Variants in GABRA4 observed in about 807,000 individuals in gnomAD.
GABRA4 encodes gamma-aminobutyric acid receptor subunit alpha-4.
GABRA4 carries 12 observed loss-of-function variants against 49.7 expected under a neutral mutation model. The observed-to-expected ratio is 0.24, with a 90% CI of 0.15 to 0.39. GABRA4 has a LOEUF of 0.39. GABRA4 is among the 10% of genes least tolerant of loss of function. The probability of loss-of-function intolerance (pLI) is 1.00; values close to 1 mark genes in which losing one functional copy is unlikely to be tolerated. For synonymous variants in GABRA4, 288 were observed against 240.2 expected (o/e 1.20, Z -1.84); for missense variants, 506 against 686.0 (o/e 0.74, Z 2.93).
intron 8 of GABRA4, among the ~76,000 whole-genome samples, chr4:46,942,184 A>G (rs1435901720): frequency 6.6e-6 from 1 of 152,106 alleles, no homozygotes; most frequent in African/African-American, 2.4e-5. Flanking sequence ...GTATAGAAAA[A>G]CAGTACAAAA....
Position 46,925,657 on chromosome 4 carries a change from C to A in GABRA4, c.*2568G>T, listed in dbSNP as rs928951443. On this transcript the variant is annotated 3_prime_UTR_variant, in exon 9 of 9. Transcript: ENST00000264318. ...GTTATTGGGAAGATAGAAATAATGA[C>A]CAAAATAAAAATCACTGAATGAATT... is the stretch of plus-strand genomic sequence containing the variant. 31 of 149,560 alleles carry A rather than the reference C, an allele frequency of 2.1e-4. No homozygotes were observed. The highest frequency in any genetic ancestry group is 6.1e-4 in the African/African-American group (25 of 40,834). 9.3% of individuals were successfully genotyped at this position (149,560 alleles called of 1,614,324 possible). A position where few individuals can be genotyped will look rare whatever the true frequency, so the allele number is the denominator to read the frequency against.
At chr4:46,973,885 A>G (rs1165007392) in intron 6 of GABRA4, among the ~76,000 whole-genome samples, 1 of 151,836 alleles carries the variant, frequency 6.6e-6, no homozygotes, top group African/African-American at 2.4e-5. Flanking sequence ...AGCCCCACAA[A>G]AATCATCAAA....
At chr4:46,988,629 T>C (rs1425748394) in intron 2 of GABRA4, among the ~76,000 whole-genome samples, 1 of 152,218 alleles carries the variant, frequency 6.6e-6, no homozygotes, top group African/African-American at 2.4e-5. Context: ...ATGCATACAA[T>C]TTTCTGTGTT....
At chr4:46,938,089 C>T (rs569591775) in intron 8 of GABRA4, among the ~76,000 whole-genome samples, 1 of 151,852 alleles carries the variant, frequency 6.6e-6, no homozygotes, top group Non-Finnish European at 1.5e-5. Flanking sequence ...ATTTTTAATC[C>T]TTGAAAGTGG....
intron 8 of GABRA4, among the ~76,000 whole-genome samples, chr4:46,955,253 G>C (rs952353911): frequency 6.6e-6 from 1 of 151,890 alleles, no homozygotes; most frequent in Non-Finnish European, 1.5e-5. Context: ...CTCCCTCCTT[G>C]ATCACCAGTT....
intron 7 of GABRA4, among the ~76,000 whole-genome samples, chr4:46,967,872 T>C (rs978579532): frequency 2.0e-5 from 3 of 151,756 alleles, no homozygotes; most frequent in Non-Finnish European, 3.0e-5. Context: ...TGGCCACTCC[T>C]AGAAAATGAA....
At chr4:46,940,930 G>T (rs1721766368) in intron 8 of GABRA4, among the ~76,000 whole-genome samples, 1 of 152,088 alleles carries the variant, frequency 6.6e-6, no homozygotes, top group Non-Finnish European at 1.5e-5. Flanking sequence ...CTTTCTCTGA[G>T]TCTAGCTAAT....
chr4:46,935,018 T>C (rs1183214497), intron 8 of GABRA4, among the ~76,000 whole-genome samples: 1 of 152,194 alleles, frequency 6.6e-6, no homozygotes, highest in Non-Finnish European at 1.5e-5. Context: ...AGATGAATCT[T>C]TTCTTATTCA....
intron 2 of GABRA4, among the ~76,000 whole-genome samples, chr4:46,982,147 A>C (rs548965167): frequency 7.6e-4 from 116 of 152,258 alleles, no homozygotes; most frequent in Non-Finnish European, 1.3e-3. Context: ...ACTACAAGGA[A>C]AATAAGTTGT....
At chr4:46,959,758 C>CA (rs67861758) in intron 8 of GABRA4, among the ~76,000 whole-genome samples, 10,961 of 82,504 alleles carry the variant, frequency 0.13, 953 homozygotes, top group Admixed American at 0.33. Context: ...CATCACTTTG[C>CA]AAAAAAAAAA....
intron 8 of GABRA4, among the ~76,000 whole-genome samples, chr4:46,941,640 A>G (rs1721801234): frequency 6.6e-6 from 1 of 152,174 alleles, no homozygotes; most frequent in Admixed American, 6.6e-5. Flanking sequence ...TTTCAACCGA[A>G]CTAAATGATA....
intron 6 of GABRA4, among the ~76,000 whole-genome samples, chr4:46,973,112 A>T (rs1007814238): frequency 6.6e-6 from 1 of 151,738 alleles, no homozygotes; most frequent in Non-Finnish European, 1.5e-5. Flanking sequence ...TATCCACTTC[A>T]TGGGATGGTT....
At chr4:46,928,943 A>T (rs1159323364) in intron 8 of GABRA4, among the ~76,000 whole-genome samples, 188 bp from the exon 9 acceptor site, 1 of 152,056 alleles carries the variant, frequency 6.6e-6, no homozygotes, top group Non-Finnish European at 1.5e-5. Flanking sequence ...TACATTTGAA[A>T]CTTTGAATCA....
intron 5 of GABRA4, among the ~76,000 whole-genome samples, chr4:46,976,379 G>T (rs953647974): frequency 3.1e-5 from 2 of 64,260 alleles, no homozygotes; most frequent in African/African-American, 1.1e-4. Flanking sequence ...AAAAAAAAAA[G>T]CGGAAGTGGA....
At chr4:46,935,525 A>G (rs1202429781) in intron 8 of GABRA4, among the ~76,000 whole-genome samples, 1 of 152,142 alleles carries the variant, frequency 6.6e-6, no homozygotes, top group Non-Finnish European at 1.5e-5. Flanking sequence ...AGACAATATT[A>G]TACGTCTATG....
At chr4:46,992,790 C>T in intron 2 of GABRA4, 38 bp downstream of exon 2, 18 of 1,405,030 alleles carry the variant, frequency 1.3e-5, no homozygotes, top group Non-Finnish European at 1.8e-5. Flanking sequence ...AAGAGAGGGA[C>T]AGACAGGACA....
intron 8 of GABRA4, 143 bp downstream of exon 8, chr4:46,964,827 A>T: frequency 2.3e-6 from 2 of 869,522 alleles, no homozygotes; most frequent in Non-Finnish European, 3.4e-6. Context: ...TTAAGCTCAT[A>T]CAGTTACTTT....
chr4:46,925,914 C>T lies in GABRA4; in HGVS notation c.*2311G>A, dbSNP rs1223438440. On this transcript the variant is annotated 3_prime_UTR_variant, in exon 9 of 9. Transcript: ENST00000264318. ...GCCACATGATGTATTTTTAAACCTT[C>T]ATATGTAAAGGTAAGAAAAAAAATC... The T allele has an allele frequency of 1.3e-5, 2 of 151,350 alleles. No homozygotes were observed. Among genetic ancestry groups the T allele is most frequent in the East Asian group, 3.9e-4 (2 of 5,170 alleles). 9.4% of individuals were successfully genotyped at this position (151,350 alleles called of 1,614,324 possible).
chr4:46,977,850 A>G (rs568409637), intron 3 of GABRA4, among the ~76,000 whole-genome samples: 2 of 152,072 alleles, frequency 1.3e-5, no homozygotes, highest in Non-Finnish European at 2.9e-5. Context: ...CTACATTCAT[A>G]AGATAAATAA....
Sources: gnomAD v4.1 joint callset for allele counts (sites outside exome capture counted in the v4.1 genomes callset) on GRCh38, gnomAD v4.1.1 for gene constraint, MANE v1.5 for transcripts, NCBI Gene and HGNC (gene_info 2026-07-23, HGNC 2026-07-21) for gene names.